SAMD9L: variants seen among roughly 807,000 people sequenced by gnomAD.
SAMD9L encodes sterile alpha motif domain containing 9 like.
A neutral mutation model predicts 90.7 loss-of-function variants in SAMD9L; 68 were observed. The observed-to-expected ratio is 0.75, with a 90% CI of 0.62 to 0.92. The LOEUF (loss-of-function observed/expected upper bound fraction) is 0.92. Among genes scored for constraint, SAMD9L ranks in the 40% least tolerant of loss-of-function variants. SAMD9L has a pLI of 0.00. For missense variants in SAMD9L, 1,604 were observed against 1,824.3 expected (o/e 0.88, Z 2.20); for synonymous variants, 640 against 630.1 (o/e 1.02, Z -0.23).
rs1792327481 is a variant in SAMD9L at position 93,134,579 on chromosome 7, C to T, written c.1393G>A (p.Ala465Thr). 1.9e-6 allele frequency: 3 copies of T among 1,613,814 alleles called. No individual in the cohort carries two copies. Among genetic ancestry groups the T allele is most frequent in the East Asian group, 2.2e-5 (1 of 44,888 alleles). Reference sequence around the variant, plus strand: ...TATTGATTTGGAAAGTGAAGGTTTGCCACCCGACTTTCTTTGTAAGCTTTG... The same window carrying T: ...TATTGATTTGGAAAGTGAAGGTTTGTCACCCGACTTTCTTTGTAAGCTTTG... Reference protein sequence around the residue: ...VVKAYKESRVANLHFPNQYED... With the variant: ...VVKAYKESRVTNLHFPNQYED... Residue 465 changes from alanine (A) to threonine (T), a missense_variant, in exon 5 of 5, where the codon GCA becomes ACA. Physicochemically the swap from Ala to Thr is moderately conservative, Grantham distance 58. Coordinates refer to ENST00000318238, the MANE Select transcript of SAMD9L (RefSeq NM_152703.5).
Position 93,132,155 on chromosome 7 carries a change from C to G in SAMD9L, c.3817G>C (p.Asp1273His). 2 of 1,612,850 alleles carry G rather than the reference C, an allele frequency of 1.2e-6. No individual in the cohort carries two copies. The highest frequency in any genetic ancestry group is 1.7e-6 in the Non-Finnish European group (2 of 1,179,582). ...DLKRCFDFFIDYMVLLKMRYT... is the reference protein window; with the variant it reads ...DLKRCFDFFIHYMVLLKMRYT... ...CTCATTTTCAGAAGAACCATATAAT[C>G]AATAAAAAAGTCAAAGCACCTTTTC... Residue 1273 changes from aspartate to histidine, a missense_variant, in exon 5 of 5, where the codon GAT (aspartate) becomes CAT (histidine). Asp to His is a moderately conservative substitution (Grantham distance 81). Transcript: ENST00000318238.
intron 1 of SAMD9L, 52 bp downstream of exon 1, chr7:93,148,142 C>A (rs766766494): frequency 6.6e-6 from 1 of 152,136 alleles, no homozygotes; most frequent in Non-Finnish European, 1.5e-5. Flanking sequence ...TAAAAAATAG[C>A]TGTCGCCTCA....
Position 93,134,212 on chromosome 7 carries a change from T to C in SAMD9L, c.1760A>G (p.Tyr587Cys), listed in dbSNP as rs371023770. 6.2e-7 allele frequency: 1 copy of C among 1,613,046 alleles called. No individual in the cohort carries two copies. The highest frequency in any genetic ancestry group is 8.5e-7 in the Non-Finnish European group (1 of 1,179,496). ...MLCISVNSHI[Y>C]QRWKDLLQTR... ...TTGTAGTAGATCTTTCCATCGTTGA[T>C]AAATATGTGAGTTTACAGAGATACA... The change falls in exon 5 of 5, where the codon TAT becomes TGT. Residue 587 changes from tyrosine (Y) to cysteine (C), a missense_variant. Tyr to Cys is a radical substitution (Grantham distance 194). This residue lies in a region of SAMD9L where 606 missense variants were observed against 717.6 expected (regional missense o/e 0.84). Coordinates refer to ENST00000318238, the MANE Select transcript of SAMD9L (RefSeq NM_152703.5).
At position 93,130,758 on chromosome 7, in the gene SAMD9L, G is replaced by A. The variant is rs1343521710; in HGVS notation, c.*459C>T. The A allele has an allele frequency of 3.3e-5, 5 of 153,428 alleles. No homozygotes were observed. Among genetic ancestry groups the A allele is most frequent in the African/African-American group, 1.2e-4 (5 of 41,330 alleles). The allele number at this position is 153,428 out of a possible 1,614,324, so 9.5% of individuals were successfully genotyped here. ...AACAATATATTTACCTTCCACATAA[G>A]TTTTTATTGATACCAAGATGAGGTA... On this transcript the variant is annotated 3_prime_UTR_variant, in exon 5 of 5. Transcript: ENST00000318238.
chr7:93,142,576 G>A (rs1792734913), intron 4 of SAMD9L, among the ~76,000 whole-genome samples: 1 of 152,158 alleles, frequency 6.6e-6, no homozygotes, highest in South Asian at 2.1e-4. Flanking sequence ...ATGTCCTATT[G>A]TAAGCTCCAG....
rs1488872022 is a variant in SAMD9L, at chr7:93,146,019, C to T, written c.-757G>A. 6.6e-6 allele frequency: 1 copy of T among 152,188 alleles called. No homozygotes were observed. Among genetic ancestry groups the T allele is most frequent in the East Asian group, 1.9e-4 (1 of 5,184 alleles). The allele number at this position is 152,188 out of a possible 1,614,324, so 9.4% of individuals were successfully genotyped here. On this transcript the variant is annotated 5_prime_UTR_variant, in exon 3 of 5. Coordinates refer to ENST00000318238, the MANE Select transcript of SAMD9L (RefSeq NM_152703.5). ...GTTATTGATCTCTTCAGGGACTTCT[C>T]AAAAAAGCAGCCGGAATGACCCTGT...
intron 4 of SAMD9L, among the ~76,000 whole-genome samples, chr7:93,142,798 A>G (rs931486690): frequency 2.6e-5 from 4 of 152,202 alleles, no homozygotes; most frequent in African/African-American, 7.2e-5. Flanking sequence ...CTGTCACCAT[A>G]GAGTGGCTCT....
chr7:93,134,339 C>T lies in SAMD9L; in HGVS notation c.1633G>A (p.Val545Ile), dbSNP rs971152688. 2 of 1,610,680 alleles carry T rather than the reference C, an allele frequency of 1.2e-6. No individual in the cohort carries two copies. Among genetic ancestry groups the T allele is most frequent in the Admixed American group, 1.7e-5 (1 of 59,340 alleles). ...ENIMTRGKFL[V>I]VFLLLSSVES... ...ACTGAAGAGAGTAATAGAAACACTA[C>T]CAAAAATTTTCCTCTTGTCATTATA... The change falls in exon 5 of 5, where the codon GTA becomes ATA. Residue 545 changes from valine to isoleucine, a missense_variant. Val to Ile is a conservative substitution (Grantham distance 29). This residue lies in a region of SAMD9L where 606 missense variants were observed against 717.6 expected (regional missense o/e 0.84). Coordinates refer to ENST00000318238, the MANE Select transcript of SAMD9L (RefSeq NM_152703.5).
rs73710966 is a variant in SAMD9L at position 93,140,828 on chromosome 7, C to A, written c.-21+3904G>T. 9.3e-3 allele frequency among the ~76,000 whole-genome samples: 1,422 copies of A among 152,334 alleles called. 22 individuals are homozygous for A. Among genetic ancestry groups the A allele is most frequent in the African/African-American group, 0.032 (1,330 of 41,572 alleles). On this transcript the variant is annotated intron_variant, in intron 4 of 4. Transcript: ENST00000318238. ...TTCAGGAAGTTGCTCCAGAAAGTGT[C>A]CCCACTCTATTTGGCTTCTTCAGTC...
intron 4 of SAMD9L, among the ~76,000 whole-genome samples, chr7:93,138,365 A>G (rs1483166348): frequency 1.3e-5 from 2 of 152,204 alleles, no homozygotes; most frequent in African/African-American, 4.8e-5. Context: ...AGTGATAATC[A>G]AAACAGATGT....
At chr7:93,137,734 GTTTTTTTTTT>G in intron 4 of SAMD9L, among the ~76,000 whole-genome samples, 1 of 121,942 alleles carries the variant, frequency 8.2e-6, no homozygotes, top group East Asian at 2.5e-4. Flanking sequence ...AGGAACCTAA[GTTTTTTTTTT>G]TTTTTTTTTT....
intron 3 of SAMD9L, 108 bp downstream of exon 3, chr7:93,145,277 T>G (rs1451589602): frequency 6.6e-6 from 1 of 152,246 alleles, no homozygotes; most frequent in Admixed American, 6.5e-5. Context: ...TATGCACACT[T>G]GCAAGTATGT....
At chr7:93,136,085 A>G (rs1396262170) in intron 4 of SAMD9L, 94 bp from the exon 5 acceptor site, 2 of 799,080 alleles carry the variant, frequency 2.5e-6, no homozygotes, top group Non-Finnish European at 3.7e-6. Context: ...CAGAAGATAC[A>G]TATATATATG....
Position 93,130,741 on chromosome 7 carries a change from A to G in SAMD9L, c.*476T>C, listed in dbSNP as rs1792053887. ...TTATGTGGTGGATGGGGAACAATAT[A>G]TTTACCTTCCACATAAGTTTTTATT... On this transcript the variant is annotated 3_prime_UTR_variant, in exon 5 of 5. Coordinates refer to ENST00000318238, the MANE Select transcript of SAMD9L (RefSeq NM_152703.5). The G allele has an allele frequency of 1.3e-5, 2 of 154,016 alleles. No individual in the cohort carries two copies. 9.5% of individuals were successfully genotyped at this position (154,016 alleles called of 1,614,324 possible). A position where few individuals can be genotyped will look rare whatever the true frequency, so the allele number is the denominator to read the frequency against.
In SAMD9L at chr7:93,130,382, C is replaced by T. The variant is rs1792034432; in HGVS notation, c.*835G>A. On this transcript the variant is annotated 3_prime_UTR_variant, in exon 5 of 5. Coordinates refer to ENST00000318238, the MANE Select transcript of SAMD9L (RefSeq NM_152703.5). ...GAGAGAATGTTAGATGGAAATAAGG[C>T]AATCTCAACAGAGAGAACAGCATGT... The T allele has an allele frequency of 6.6e-6, 1 of 152,010 alleles. No homozygotes were observed. The highest frequency in any genetic ancestry group is 1.5e-5 in the Non-Finnish European group (1 of 68,026). The allele number at this position is 152,010 out of a possible 1,614,324, so 9.4% of individuals were successfully genotyped here. A position where few individuals can be genotyped will look rare whatever the true frequency, so the allele number is the denominator to read the frequency against.
rs767150001 is a variant in SAMD9L, at chr7:93,131,359, T to C, written c.4613A>G (p.Tyr1538Cys). ...QAEGKLISVE[Y>C]GTEEKIKIPV... Reference sequence around the variant, plus strand: ...TATTTTTATTTTTTCCTCTGTTCCATATTCTACAGAGATTAGCTTGCCTTC... The same window carrying C: ...TATTTTTATTTTTTCCTCTGTTCCACATTCTACAGAGATTAGCTTGCCTTC... Residue 1538 changes from tyrosine (Y) to cysteine (C), a missense_variant, in exon 5 of 5, where the codon TAT becomes TGT. By Grantham distance (194) the Tyr-to-Cys change is radical. This residue lies in a region of SAMD9L where 282 missense variants were observed against 329.6 expected (regional missense o/e 0.86). Coordinates refer to ENST00000318238, the MANE Select transcript of SAMD9L (RefSeq NM_152703.5). The C allele has an allele frequency of 6.2e-7, 1 of 1,613,606 alleles. No individual in the cohort carries two copies. Among genetic ancestry groups the C allele is most frequent in the Non-Finnish European group, 8.5e-7 (1 of 1,179,826 alleles).
Position 93,132,786 on chromosome 7 carries a change from T to C in SAMD9L, c.3186A>G (p.Leu1062=), listed in dbSNP as rs761588662. ...DTLFSPLMEA[L]QNKDIEKVLS... is the part of the protein sequence containing the mutation. ...AGACCTTTTCAATGTCTTTATTCTGTAAAGCTTCCATTAATGGGGAAAACA... is the reference window on the plus strand; with the variant it reads ...AGACCTTTTCAATGTCTTTATTCTGCAAAGCTTCCATTAATGGGGAAAACA... The change falls in exon 5 of 5, where the codon TTA becomes TTG. Residue 1062 remains leucine (L), a synonymous_variant. Coordinates refer to ENST00000318238, the MANE Select transcript of SAMD9L (RefSeq NM_152703.5). 7.4e-6 allele frequency: 12 copies of C among 1,613,762 alleles called. No homozygotes were observed. The Admixed American group carries it at 2.0e-4, about 27-fold the overall frequency.
At chr7:93,140,102 C>T (rs915780380) in intron 4 of SAMD9L, among the ~76,000 whole-genome samples, 1 of 152,234 alleles carries the variant, frequency 6.6e-6, no homozygotes, top group Non-Finnish European at 1.5e-5. Flanking sequence ...GAGAATGGCC[C>T]TCCATACCCT....
rs757761934 is a variant in SAMD9L, at chr7:93,135,739, T to C, written c.233A>G (p.Lys78Arg). The C allele has an allele frequency of 6.2e-7, 1 of 1,614,076 alleles. No homozygotes were observed. The highest frequency in any genetic ancestry group is 8.5e-7 in the Non-Finnish European group (1 of 1,179,996). The change falls in exon 5 of 5, where the codon AAG (lysine) becomes AGG (arginine). Residue 78 changes from lysine to arginine, a missense_variant. By Grantham distance (26) the Lys-to-Arg change is conservative (BLOSUM62 2). Transcript: ENST00000318238. ...IKRSYNKLNSKSPESDNHDPG... is the reference protein window; with the variant it reads ...IKRSYNKLNSRSPESDNHDPG... ...ATCATGATTGTCACTTTCAGGGGAC[T>C]TACTATTCAATTTGTTGTATGAACG...
Sources: allele counts gnomAD v4.1 joint callset (sites outside exome capture counted in the v4.1 genomes callset), GRCh38; gene constraint gnomAD v4.1.1; regional missense constraint gnomAD v4.1.1; transcripts MANE v1.5; gene names NCBI Gene and HGNC (gene_info 2026-07-23, HGNC 2026-07-21).